Variants in SUSD6 observed in about 807,000 individuals in gnomAD.
The protein encoded by SUSD6 is sushi domain-containing protein 6.
Under a neutral mutation model 28.4 loss-of-function variants are expected in SUSD6, and 16 were observed. The observed-to-expected ratio is 0.56, with a 90% CI of 0.38 to 0.86. The LOEUF is 0.86. Ranked by LOEUF, SUSD6 falls within the 40% of genes least tolerant of loss-of-function variation. SUSD6 has a pLI of 0.00. For synonymous variants in SUSD6, 147 were observed against 159.6 expected (o/e 0.92, Z 0.59); for missense variants, 341 against 384.2 (o/e 0.89, Z 0.94).
chr14:69,655,899 C>A lies in SUSD6; in HGVS notation c.-80-2614C>A, dbSNP rs1239232583. 2.6e-5 allele frequency among the ~76,000 whole-genome samples: 4 copies of A among 152,220 alleles called. No individual in the cohort carries two copies. In the East Asian group the frequency reaches 7.7e-4, roughly 29 times the overall value. On this transcript the variant is annotated intron_variant, in intron 1 of 5. Coordinates refer to ENST00000342745, the MANE Select transcript of SUSD6 (RefSeq NM_014734.4). ...TGTCCCCTCACACCCCACCAAAATC[C>A]TCTAAAATCCCTGCCAGTATGATCT...
chr14:69,680,234 C>T (rs573511176), intron 2 of SUSD6, among the ~76,000 whole-genome samples: 96 of 152,248 alleles, frequency 6.3e-4, no homozygotes, highest in African/African-American at 2.2e-3. Flanking sequence ...GCCCCAGTTT[C>T]CACTGGATAC....
chr14:69,625,326 A>G (rs1190160666), intron 1 of SUSD6, among the ~76,000 whole-genome samples: 2 of 152,234 alleles, frequency 1.3e-5, no homozygotes, highest in Admixed American at 6.5e-5. Flanking sequence ...TATCCTCACT[A>G]TGCTTGAAGA....
chr14:69,683,260 G>A (rs778403399), intron 2 of SUSD6, among the ~76,000 whole-genome samples: 18 of 152,126 alleles, frequency 1.2e-4, no homozygotes. Flanking sequence ...GTTTATATAT[G>A]TTGTGAGAGG....
chr14:69,615,992 C>G (rs967008860), intron 1 of SUSD6, among the ~76,000 whole-genome samples: 1 of 152,106 alleles, frequency 6.6e-6, no homozygotes, highest in Non-Finnish European at 1.5e-5. Flanking sequence ...TAAATGTACT[C>G]CCCGCTCCTA....
chr14:69,663,825 GAC>G (rs1245662306), intron 2 of SUSD6, among the ~76,000 whole-genome samples: 1 of 152,120 alleles, frequency 6.6e-6, no homozygotes, highest in Non-Finnish European at 1.5e-5. Context: ...GCTTCACTGA[GAC>G]CTGTTTTTTG....
chr14:69,685,602 T>C (rs1395425013), intron 2 of SUSD6, among the ~76,000 whole-genome samples: 3 of 152,194 alleles, frequency 2.0e-5, no homozygotes, highest in Admixed American at 2.0e-4. Flanking sequence ...ACCAGAGATT[T>C]TGGAGCCTCG....
chr14:69,688,185 C>G (rs1886101569), intron 2 of SUSD6, among the ~76,000 whole-genome samples: 2 of 152,214 alleles, frequency 1.3e-5, no homozygotes, highest in African/African-American at 4.8e-5. Flanking sequence ...CTTCCACCTC[C>G]CTCTTGACCC....
chr14:69,637,753 G>A (rs1595036573), intron 1 of SUSD6, among the ~76,000 whole-genome samples: 3 of 152,132 alleles, frequency 2.0e-5, no homozygotes, highest in Admixed American at 1.3e-4. Context: ...GCAGATTGCT[G>A]TCCTCTGACC....
chr14:69,675,519 T>C (rs1885894505), intron 2 of SUSD6, among the ~76,000 whole-genome samples: 1 of 146,376 alleles, frequency 6.8e-6, no homozygotes, highest in African/African-American at 2.5e-5. Flanking sequence ...TCTGTTTTTA[T>C]AGTTGCAACT....
At chr14:69,683,336 G>C (rs748009133) in intron 2 of SUSD6, among the ~76,000 whole-genome samples, 1 of 152,174 alleles carries the variant, frequency 6.6e-6, no homozygotes, top group Non-Finnish European at 1.5e-5. Flanking sequence ...GTCCAGGATG[G>C]TAAAGGTGGG....
intron 2 of SUSD6, among the ~76,000 whole-genome samples, chr14:69,678,425 C>T (rs1287149464): frequency 6.6e-6 from 1 of 151,652 alleles, no homozygotes; most frequent in East Asian, 1.9e-4. Flanking sequence ...TGATATGTAA[C>T]AGTATAATTG....
chr14:69,702,191 G>A (rs1325029902), intron 2 of SUSD6, among the ~76,000 whole-genome samples: 1 of 152,158 alleles, frequency 6.6e-6, no homozygotes, highest in African/African-American at 2.4e-5. Flanking sequence ...TTCAGGATGG[G>A]GGCAGGTTAT....
Position 69,671,550 on chromosome 14 carries a change from T to G in SUSD6, c.121+12837T>G, listed in dbSNP as rs76917283. Among the ~76,000 whole-genome samples the G allele has an allele frequency of 8.4e-3, 1,282 of 152,332 alleles. 13 individuals carry two copies. Among genetic ancestry groups the G allele is most frequent in the African/African-American group, 0.029 (1,218 of 41,572 alleles). On this transcript the variant is annotated intron_variant, in intron 2 of 5. Coordinates refer to ENST00000342745, the MANE Select transcript of SUSD6 (RefSeq NM_014734.4). ...CGCGTGGGGTCCCATGTGGGTCTTA[T>G]CTGGCGTCACAAATTCCATGGGGAG...
At chr14:69,623,640 T>G (rs1885073815) in intron 1 of SUSD6, among the ~76,000 whole-genome samples, 2 of 152,304 alleles carry the variant, frequency 1.3e-5, no homozygotes, top group African/African-American at 4.8e-5. Flanking sequence ...GGAGGCATTG[T>G]TACAGGAAAT....
At chr14:69,704,545 C>T (rs1044322624) in intron 3 of SUSD6, 59 bp from the exon 4 acceptor site, 11 of 1,542,898 alleles carry the variant, frequency 7.1e-6, no homozygotes, top group Non-Finnish European at 9.7e-6. Flanking sequence ...CTGTGGGGCC[C>T]ATCAGCTGTT....
At chr14:69,672,510 T>C (rs1169894303) in intron 2 of SUSD6, among the ~76,000 whole-genome samples, 1 of 152,176 alleles carries the variant, frequency 6.6e-6, no homozygotes, top group Non-Finnish European at 1.5e-5. Flanking sequence ...GAGAGGGGGC[T>C]GGCAGATTTC....
rs1357723580 is a variant in SUSD6 at position 69,687,043 on chromosome 14, T to C, written c.122-16352T>C. 3.3e-5 allele frequency among the ~76,000 whole-genome samples: 5 copies of C among 152,342 alleles called. No homozygotes were observed. The East Asian group carries it at 9.6e-4, about 29-fold the overall frequency. On this transcript the variant is annotated intron_variant, in intron 2 of 5. Coordinates refer to ENST00000342745, the MANE Select transcript of SUSD6 (RefSeq NM_014734.4). ...AGGCCGGAGTGCAGTGGTGCGAACT[T>C]GTCTTACTGCAACCTCCGCCTCCTG...
intron 1 of SUSD6, among the ~76,000 whole-genome samples, chr14:69,612,357 C>T (rs1266071754): frequency 1.3e-5 from 2 of 152,202 alleles, no homozygotes; most frequent in African/African-American, 4.8e-5. Flanking sequence ...GCCCCCGCGC[C>T]TCGGCTGCTC....
intron 1 of SUSD6, among the ~76,000 whole-genome samples, 155 bp downstream of exon 1, chr14:69,611,983 G>A (rs1257979867): frequency 6.7e-6 from 1 of 149,306 alleles, no homozygotes. Flanking sequence ...GCTTCTCTGC[G>A]CCGGCCCGCT....
Sources: gnomAD v4.1 joint callset for allele counts (sites outside exome capture counted in the v4.1 genomes callset) on GRCh38, gnomAD v4.1.1 for gene constraint, MANE v1.5 for transcripts, NCBI Gene and HGNC (gene_info 2026-07-23, HGNC 2026-07-21) for gene names.